TDRD9: variants seen among roughly 807,000 people sequenced by gnomAD.
TDRD9 encodes the protein tudor domain containing 9.
Under a neutral mutation model 172.6 loss-of-function variants are expected in TDRD9, and 124 were observed. The ratio of observed to expected loss-of-function variants is 0.72; its 90% CI spans 0.62 to 0.83. The LOEUF (loss-of-function observed/expected upper bound fraction) is 0.83. TDRD9 is among the 40% of genes least tolerant of loss of function. TDRD9 has a pLI of 0.00. For missense variants in TDRD9, 1,479 were observed against 1,714.1 expected (o/e 0.86, Z 2.42); for synonymous variants, 619 against 617.1 (o/e 1.00, Z -0.05).
intron 9 of TDRD9, 115 bp downstream of exon 9, chr14:103,991,339 C>T (rs751825030): frequency 2.8e-6 from 3 of 1,073,396 alleles, no homozygotes; most frequent in African/African-American, 1.6e-5. Flanking sequence ...ATTCTTTTTA[C>T]ACTTTGAGTA....
chr14:103,977,604 C>G (rs1282873325), intron 7 of TDRD9, among the ~76,000 whole-genome samples: 1 of 150,044 alleles, frequency 6.7e-6, no homozygotes, highest in Non-Finnish European at 1.5e-5. Flanking sequence ...CAAATGTTTC[C>G]CCCCATTCAC....
chr14:104,051,944 C>T (rs1353323958), intron 35 of TDRD9, 37 bp from the exon 36 acceptor site: 1 of 1,435,496 alleles, frequency 7.0e-7, no homozygotes, highest in Middle Eastern at 1.7e-4. Context: ...AAAGCCCTGT[C>T]ACAGAGCCTG....
intron 1 of TDRD9, chr14:103,941,793 G>C (rs2031253073): frequency 1.1e-6 from 1 of 932,288 alleles, no homozygotes; most frequent in Non-Finnish European, 1.5e-6. Flanking sequence ...TGCCCGAAAA[G>C]TGCACGATTT....
Position 104,026,181 on chromosome 14 carries a change from A to AGGATTCCTGGGT in TDRD9, c.3021+58_3021+69dup, listed in dbSNP as rs1388192446. The stretch of plus-strand genomic sequence containing the variant: ...AGGGAATGAATGCTGCATGCTGGAC[A>AGGATTCCTGGGT]GGATTCCTGGGTGGATTCCTGGGTC... On this transcript the variant is annotated intron_variant, in intron 27 of 35. Coordinates refer to ENST00000409874, the MANE Select transcript of TDRD9 (RefSeq NM_153046.3). 11 of 1,340,762 alleles carry AGGATTCCTGGGT rather than the reference A, an allele frequency of 8.2e-6. No individual in the cohort carries two copies. In the South Asian group the frequency reaches 1.3e-4, roughly 16 times the overall value. 83.1% of individuals were successfully genotyped at this position (1,340,762 alleles called of 1,614,324 possible).
chr14:103,976,688 C>T (rs1350992511), intron 7 of TDRD9, among the ~76,000 whole-genome samples: 1 of 152,146 alleles, frequency 6.6e-6, no homozygotes, highest in Non-Finnish European at 1.5e-5. Flanking sequence ...TGGAAATATA[C>T]CCAGTAGTAG....
chr14:104,038,837 T>C (rs2035528414), intron 32 of TDRD9, among the ~76,000 whole-genome samples: 2 of 152,130 alleles, frequency 1.3e-5, no homozygotes, highest in South Asian at 4.1e-4. Flanking sequence ...ACCTGGCTAA[T>C]TTTTGTATTT....
chr14:104,006,924 T>C lies in TDRD9; in HGVS notation c.2007+79T>C, dbSNP rs1430778885. The C allele has an allele frequency of 8.9e-6, 11 of 1,231,290 alleles. No homozygotes were observed. The African/African-American group carries it at 1.5e-4, about 17-fold the overall frequency. 76.3% of individuals were successfully genotyped at this position (1,231,290 alleles called of 1,614,324 possible). On this transcript the variant is annotated intron_variant, in intron 18 of 35. Transcript: ENST00000409874. ...ATTTTCATACCACAAACATATGAGG[T>C]AGAGACAGACAATGTTTTATCTAGT...
intron 2 of TDRD9, among the ~76,000 whole-genome samples, chr14:103,956,629 A>G (rs1166021811): frequency 6.6e-6 from 1 of 151,004 alleles, no homozygotes; most frequent in African/African-American, 2.4e-5. Flanking sequence ...AAGACTAATA[A>G]TGGTTTCTTA....
At chr14:103,976,737 T>C (rs1009587502) in intron 7 of TDRD9, among the ~76,000 whole-genome samples, 1 of 152,270 alleles carries the variant, frequency 6.6e-6, no homozygotes, top group East Asian at 1.9e-4. Context: ...TTTAGTTTTT[T>C]TGAGGATCCT....
At chr14:104,041,419 T>G (rs1421734942) in intron 33 of TDRD9, among the ~76,000 whole-genome samples, 2 of 152,166 alleles carry the variant, frequency 1.3e-5, no homozygotes, top group Non-Finnish European at 2.9e-5. Flanking sequence ...CAAAAGACCC[T>G]CTTCAGAGGA....
At chr14:103,999,039 C>T (rs979231046) in intron 13 of TDRD9, among the ~76,000 whole-genome samples, 5 of 152,272 alleles carry the variant, frequency 3.3e-5, no homozygotes, top group South Asian at 2.1e-4. Flanking sequence ...GTGATCCACC[C>T]GCTTCAGCCT....
intron 1 of TDRD9, chr14:103,940,327 G>A (rs1459121255): frequency 6.5e-6 from 1 of 153,242 alleles, no homozygotes; most frequent in Non-Finnish European, 1.5e-5. Flanking sequence ...TAAACTGCAT[G>A]ATATTTTTTC....
chr14:103,964,811 C>G (rs776987277), intron 3 of TDRD9, among the ~76,000 whole-genome samples: 2 of 152,188 alleles, frequency 1.3e-5, no homozygotes, highest in Non-Finnish European at 2.9e-5. Flanking sequence ...ATGTGAGCCA[C>G]CTGTGCCCAG....
At chr14:104,001,021 A>G (rs2034242960) in intron 13 of TDRD9, among the ~76,000 whole-genome samples, 2 of 152,200 alleles carry the variant, frequency 1.3e-5, no homozygotes, top group South Asian at 2.1e-4. Context: ...GGACATCTTT[A>G]TAAGTACAGT....
At chr14:104,011,550 T>A (rs1595984070) in intron 20 of TDRD9, among the ~76,000 whole-genome samples, 1 of 152,178 alleles carries the variant, frequency 6.6e-6, no homozygotes, top group African/African-American at 2.4e-5. Flanking sequence ...TTAAAAAAAA[T>A]TTCAATACCC....
intron 31 of TDRD9, 109 bp downstream of exon 31, chr14:104,034,178 C>CTAT: frequency 2.5e-6 from 1 of 396,590 alleles, no homozygotes; most frequent in Admixed American, 3.9e-5. Flanking sequence ...ACACTATGTA[C>CTAT]TATTCTTTTT....
At chr14:103,974,213 A>T (rs1317710566) in intron 6 of TDRD9, among the ~76,000 whole-genome samples, 2 of 152,264 alleles carry the variant, frequency 1.3e-5, no homozygotes, top group East Asian at 1.9e-4. Flanking sequence ...AAAATAAAAA[A>T]GTTTACTTTT....
chr14:103,950,108 T>TTTTTTTTTTTG (rs2031788580), intron 1 of TDRD9, among the ~76,000 whole-genome samples: 1 of 146,632 alleles, frequency 6.8e-6, no homozygotes, highest in Non-Finnish European at 1.5e-5. Context: ...TTTTTTTTTT[T>TTTTTTTTTTTG]GATGGAGTTT....
chr14:104,049,490 GT>G, intron 34 of TDRD9, 117 bp from the exon 35 acceptor site: 2 of 771,348 alleles, frequency 2.6e-6, no homozygotes, highest in Non-Finnish European at 4.1e-6. Flanking sequence ...CCTTTAAACA[GT>G]TTATTCTAGT....
Sources: gnomAD v4.1 joint callset for allele counts (sites outside exome capture counted in the v4.1 genomes callset) on GRCh38, gnomAD v4.1.1 for gene constraint, MANE v1.5 for transcripts, NCBI Gene and HGNC (gene_info 2026-07-23, HGNC 2026-07-21) for gene names.